Variants in BANK1 observed in about 807,000 individuals in gnomAD.
BANK1 encodes B-cell scaffold protein with ankyrin repeats.
BANK1 carries 95 observed loss-of-function variants against 94.5 expected under a neutral mutation model. The observed-to-expected ratio is 1.00, with a 90% confidence interval of 0.85 to 1.19. The LOEUF (loss-of-function observed/expected upper bound fraction) is 1.19, where lower values mean the gene tolerates loss of function less well. Ranked by LOEUF, BANK1 falls within the 50% of genes most tolerant of loss-of-function variation. BANK1 has a pLI of 0.00. For synonymous variants in BANK1, 334 were observed against 308.4 expected (o/e 1.08, Z -0.87); for missense variants, 987 against 932.2 (o/e 1.06, Z -0.77).
rs76704132 is a variant in BANK1 at position 101,949,911 on chromosome 4, T to C, written c.1206+31722T>C. On this transcript the variant is annotated intron_variant, in intron 7 of 16. Coordinates refer to ENST00000322953, the MANE Select transcript of BANK1 (RefSeq NM_017935.5). The stretch of plus-strand genomic sequence containing the variant: ...AATAAAAGAGTAAGAATATAACCCA[T>C]AGGAGAAGCCTTGACCTATCTAAGA... Among the ~76,000 whole-genome samples, 849 of 152,204 alleles carry C rather than the reference T, an allele frequency of 5.6e-3. 15 individuals are homozygous for C. The East Asian group carries it at 0.056, about 10-fold the overall frequency.
intron 1 of BANK1, among the ~76,000 whole-genome samples, chr4:101,813,225 A>G (rs73834302): frequency 2.4e-4 from 37 of 152,292 alleles, no homozygotes; most frequent in African/African-American, 8.2e-4. Context: ...AACAAAAATC[A>G]CTTTGGTGAA....
chr4:101,996,946 G>A (rs1725899955), intron 7 of BANK1, among the ~76,000 whole-genome samples: 1 of 151,926 alleles, frequency 6.6e-6, no homozygotes, highest in South Asian at 2.1e-4. Flanking sequence ...GATTGCCCTG[G>A]CCAGAACTTC....
Position 102,030,196 on chromosome 4 carries a change from C to A in BANK1, c.1831C>A (p.Pro611Thr). Residue 611 changes from proline to threonine, a missense_variant, in exon 10 of 17, where the codon CCT (proline) becomes ACT (threonine). Transcript: ENST00000322953. Reference sequence around the variant, plus strand: ...GAGTCGGTCTTTCATTATAAATAGACCTCCTGCCCCCACACCCCGACCCAC... The same window carrying A: ...GAGTCGGTCTTTCATTATAAATAGAACTCCTGCCCCCACACCCCGACCCAC... The part of the protein sequence containing the change: ...TGSRSFIINR[P>T]PAPTPRPTSI... The A allele has an allele frequency of 6.2e-7, 1 of 1,613,676 alleles. No homozygotes were observed. Among genetic ancestry groups the A allele is most frequent in the Non-Finnish European group, 8.5e-7 (1 of 1,179,814 alleles).
intron 6 of BANK1, among the ~76,000 whole-genome samples, chr4:101,898,084 C>A (rs528642115): frequency 1.3e-5 from 2 of 151,804 alleles, no homozygotes; most frequent in South Asian, 4.2e-4. Flanking sequence ...GTCATAAAAC[C>A]TATATATAAC....
At chr4:101,921,386 A>G (rs776716293) in intron 7 of BANK1, among the ~76,000 whole-genome samples, 1 of 151,954 alleles carries the variant, frequency 6.6e-6, no homozygotes, top group South Asian at 2.1e-4. Flanking sequence ...TAAATAGTAA[A>G]TAGTGACATT....
intron 5 of BANK1, among the ~76,000 whole-genome samples, chr4:101,872,431 C>T (rs1182150221): frequency 2.6e-5 from 4 of 152,078 alleles, no homozygotes; most frequent in Non-Finnish European, 2.9e-5. Context: ...GAGTCAGTCT[C>T]CCAAACATCT....
chr4:101,849,735 A>G (rs1017730345), intron 2 of BANK1, among the ~76,000 whole-genome samples: 3 of 152,164 alleles, frequency 2.0e-5, no homozygotes, highest in Non-Finnish European at 4.4e-5. Context: ...AAAAAGGAAA[A>G]TTAACTCAAA....
rs528221720 is a variant in BANK1, at chr4:101,881,218, C to A, written c.903+10574C>A. ...CAGGATATATAAGGAGCTCAAACAACCCTATGGAAAAAAAAATCTAGTAAT... is the reference window on the plus strand; with the variant it reads ...CAGGATATATAAGGAGCTCAAACAAACCTATGGAAAAAAAAATCTAGTAAT... On this transcript the variant is annotated intron_variant, in intron 5 of 16. Transcript: ENST00000322953. Among the ~76,000 whole-genome samples, 12 of 151,500 alleles carry A rather than the reference C, an allele frequency of 7.9e-5. No individual in the cohort carries two copies. In the South Asian group the frequency reaches 2.1e-3, roughly 26 times the overall value.
At chr4:102,071,443 C>A in intron 14 of BANK1, 139 bp downstream of exon 14, 3 of 807,298 alleles carry the variant, frequency 3.7e-6, no homozygotes, top group Non-Finnish European at 6.0e-6. Context: ...ATATGCAAAA[C>A]AACTTGACAT....
intron 2 of BANK1, among the ~76,000 whole-genome samples, chr4:101,836,866 C>G (rs987776754): frequency 6.6e-6 from 1 of 152,166 alleles, no homozygotes; most frequent in Admixed American, 6.5e-5. Flanking sequence ...CGGCTCGGCA[C>G]TATCCCAGAG....
At chr4:101,884,777 C>T (rs1183923225) in intron 5 of BANK1, among the ~76,000 whole-genome samples, 1 of 152,192 alleles carries the variant, frequency 6.6e-6, no homozygotes, top group African/African-American at 2.4e-5. Context: ...AGTTCTAACA[C>T]TTTAGTCCAT....
At chr4:101,938,409 CAAT>C (rs1210917645) in intron 7 of BANK1, among the ~76,000 whole-genome samples, 9 of 150,694 alleles carry the variant, frequency 6.0e-5, no homozygotes, top group Non-Finnish European at 1.3e-4. Flanking sequence ...TTACTACAGT[CAAT>C]AATAATTGTA....
chr4:101,916,705 C>T (rs1722840632), intron 6 of BANK1, among the ~76,000 whole-genome samples: 1 of 152,020 alleles, frequency 6.6e-6, no homozygotes, highest in South Asian at 2.1e-4. Context: ...TAAAAAATTT[C>T]CCCCAGACAT....
chr4:102,002,052 T>C (rs1560678414), intron 7 of BANK1, among the ~76,000 whole-genome samples: 1 of 152,226 alleles, frequency 6.6e-6, no homozygotes, highest in Non-Finnish European at 1.5e-5. Flanking sequence ...CCTCCATGTT[T>C]TTGGCTTCAT....
At chr4:101,900,236 A>G (rs1722228622) in intron 6 of BANK1, among the ~76,000 whole-genome samples, 1 of 152,218 alleles carries the variant, frequency 6.6e-6, no homozygotes, top group South Asian at 2.1e-4. Flanking sequence ...CTTCTTCATG[A>G]AACTTATTTA....
chr4:102,027,860 G>A (rs1217565801), intron 9 of BANK1, among the ~76,000 whole-genome samples: 1 of 152,076 alleles, frequency 6.6e-6, no homozygotes, highest in Non-Finnish European at 1.5e-5. Flanking sequence ...CCTTGACTCA[G>A]TTCCAAGAAG....
At chr4:101,886,055 A>G (rs565764887) in intron 5 of BANK1, among the ~76,000 whole-genome samples, 2 of 152,278 alleles carry the variant, frequency 1.3e-5, no homozygotes, top group East Asian at 3.9e-4. Flanking sequence ...ATTTGGGACC[A>G]CTGTTGTATA....
chr4:101,879,843 A>G (rs1217159459), intron 5 of BANK1, among the ~76,000 whole-genome samples: 2 of 152,142 alleles, frequency 1.3e-5, no homozygotes, highest in Non-Finnish European at 2.9e-5. Flanking sequence ...CAAAAACCAT[A>G]TGATCATTTC....
chr4:101,958,026 T>C (rs1258823838), intron 7 of BANK1, among the ~76,000 whole-genome samples: 1 of 148,146 alleles, frequency 6.8e-6, no homozygotes, highest in African/African-American at 2.4e-5. Flanking sequence ...GTTTGTATTT[T>C]TAGTAGAGAC....
Sources: allele counts gnomAD v4.1 joint callset (sites outside exome capture counted in the v4.1 genomes callset), GRCh38; gene constraint gnomAD v4.1.1; transcripts MANE v1.5; gene names NCBI Gene and HGNC (gene_info 2026-07-23, HGNC 2026-07-21).